Variants in TBCD observed in about 807,000 individuals in gnomAD.
TBCD encodes tubulin-specific chaperone D.
A neutral mutation model predicts 169.3 loss-of-function variants in TBCD; 105 were observed. The ratio of observed to expected loss-of-function variants is 0.62; its 90% CI spans 0.53 to 0.73. The LOEUF is 0.73. TBCD is among the 30% of genes least tolerant of loss of function. The probability of loss-of-function intolerance (pLI) is 0.00; values close to 1 mark genes in which losing one functional copy is unlikely to be tolerated. For missense variants in TBCD, 1,444 were observed against 1,600.1 expected, an observed-to-expected ratio of 0.90 and a Z score of 1.66; for synonymous variants, 700 against 643.9, an observed-to-expected ratio of 1.09 and a Z score of -1.32.
intron 20 of TBCD, among the ~76,000 whole-genome samples, chr17:82,907,063 G>A (rs971169345): frequency 1.3e-5 from 2 of 152,254 alleles, no homozygotes; most frequent in Non-Finnish European, 2.9e-5. Context: ...AGGCTAGACT[G>A]GGGTCTGGCC....
At chr17:82,803,564 T>G (rs1446589712) in intron 9 of TBCD, among the ~76,000 whole-genome samples, 1 of 152,240 alleles carries the variant, frequency 6.6e-6, no homozygotes, top group African/African-American at 2.4e-5. Flanking sequence ...TTGAGATTGC[T>G]GCTTCCTGGG....
intron 9 of TBCD, among the ~76,000 whole-genome samples, chr17:82,805,024 T>C (rs1461397669): frequency 6.6e-6 from 1 of 152,240 alleles, no homozygotes; most frequent in Non-Finnish European, 1.5e-5. Context: ...CCCTGAACTC[T>C]CACTGGACAC....
chr17:82,907,183 A>C (rs757363349), intron 20 of TBCD, among the ~76,000 whole-genome samples: 27 of 152,250 alleles, frequency 1.8e-4, no homozygotes, highest in Non-Finnish European at 3.4e-4. Context: ...AGGGGGCCTC[A>C]TGAGGCAGGG....
chr17:82,883,253 G>C (rs1425262561), intron 14 of TBCD, among the ~76,000 whole-genome samples: 1 of 152,270 alleles, frequency 6.6e-6, no homozygotes, highest in Non-Finnish European at 1.5e-5. Context: ...GGCGGCCTTG[G>C]AGGCCGCTTA....
At position 82,926,506 on chromosome 17, in the gene TBCD, T is replaced by G; in HGVS notation, c.2471+15T>G. Reference sequence around the variant, plus strand: ...GCCATTGCGAGGTGAGTCCCAACAGTTCCTCCCTAAAGTCGTAAGTCTCTG... The same window carrying G: ...GCCATTGCGAGGTGAGTCCCAACAGGTCCTCCCTAAAGTCGTAAGTCTCTG... On this transcript the variant is annotated intron_variant, in intron 28 of 38. Transcript: ENST00000355528. 1 of 1,611,412 alleles carries G rather than the reference T, an allele frequency of 6.2e-7. No homozygotes were observed. The highest frequency in any genetic ancestry group is 8.5e-7 in the Non-Finnish European group (1 of 1,177,876).
At chr17:82,808,812 AG>A (rs939725134) in intron 11 of TBCD, among the ~76,000 whole-genome samples, 6 of 136,434 alleles carry the variant, frequency 4.4e-5, no homozygotes, top group Non-Finnish European at 7.9e-5. Context: ...CTGAGGTGTC[AG>A]GGAGGTCCCT....
chr17:82,830,539 T>A, intron 13 of TBCD: 1 of 1,614,094 alleles, frequency 6.2e-7, no homozygotes, highest in Non-Finnish European at 8.5e-7. Context: ...GCTGGGCCCA[T>A]CCTCAGAACC....
At chr17:82,850,862 ATCC>A (rs1473208528) in intron 13 of TBCD, among the ~76,000 whole-genome samples, 1 of 152,256 alleles carries the variant, frequency 6.6e-6, no homozygotes, top group African/African-American at 2.4e-5. Context: ...CAGACCCGGT[ATCC>A]TCCTGAGAGC....
intron 13 of TBCD, among the ~76,000 whole-genome samples, chr17:82,817,112 G>A (rs2144982100): frequency 6.6e-6 from 1 of 152,146 alleles, no homozygotes; most frequent in Non-Finnish European, 1.5e-5. Context: ...ATGTTTTATT[G>A]CGTTCCATGG....
chr17:82,896,622 C>T (rs1047013858), intron 17 of TBCD, among the ~76,000 whole-genome samples: 12 of 152,112 alleles, frequency 7.9e-5, no homozygotes, highest in Non-Finnish European at 1.3e-4. Context: ...CACGCCACCA[C>T]GCCCGGCTAA....
intron 12 of TBCD, among the ~76,000 whole-genome samples, chr17:82,810,627 G>T (rs528918439): frequency 3.3e-4 from 51 of 152,356 alleles, no homozygotes; most frequent in Middle Eastern, 3.4e-3. Flanking sequence ...GCTCACACGT[G>T]TGAGGCATCG....
chr17:82,843,366 C>T (rs901616822), intron 13 of TBCD, among the ~76,000 whole-genome samples: 4 of 137,244 alleles, frequency 2.9e-5, no homozygotes, highest in Non-Finnish European at 4.7e-5. Context: ...TTCCCCTCGC[C>T]GTCCAGCTTA....
chr17:82,883,814 C>T (rs1046336564), intron 14 of TBCD, among the ~76,000 whole-genome samples: 1 of 152,230 alleles, frequency 6.6e-6, no homozygotes, highest in Non-Finnish European at 1.5e-5. Context: ...TCCCCACCTC[C>T]TGCGCCGCCC....
chr17:82,791,031 A>G (rs2049684280), intron 7 of TBCD, among the ~76,000 whole-genome samples: 1 of 150,792 alleles, frequency 6.6e-6, no homozygotes, highest in Non-Finnish European at 1.5e-5. Context: ...AGCTGCATAC[A>G]ATTCTATTTT....
intron 6 of TBCD, among the ~76,000 whole-genome samples, chr17:82,774,857 A>G (rs1380426076): frequency 2.0e-5 from 3 of 152,256 alleles, no homozygotes; most frequent in African/African-American, 4.8e-5. Context: ...TCTGAATGCA[A>G]TTACTGGAGA....
Position 82,833,229 on chromosome 17 carries a change from T to G in TBCD, c.1318+18295T>G, listed in dbSNP as rs930630376. Among the ~76,000 whole-genome samples the G allele has an allele frequency of 6.6e-6, 1 of 152,088 alleles. No homozygotes were observed. The highest frequency in any genetic ancestry group is 6.5e-5 in the Admixed American group (1 of 15,270). ...GGGCTGGCCACCGTCTACTTGCTCC[T>G]ACCTGCTGGCTGGGAGCTCTCCCAA... On this transcript the variant is annotated intron_variant, in intron 13 of 38. Transcript: ENST00000355528. The surrounding 1 kb of genome is among the most constrained non-coding windows in gnomAD (Gnocchi z 4.7).
intron 12 of TBCD, among the ~76,000 whole-genome samples, chr17:82,812,880 C>T (rs2051558730): frequency 6.6e-6 from 1 of 152,170 alleles, no homozygotes; most frequent in Non-Finnish European, 1.5e-5. Flanking sequence ...GTTGCTCAGG[C>T]ACCATGATAG....
At chr17:82,875,889 C>A (rs1035045177) in intron 14 of TBCD, among the ~76,000 whole-genome samples, 2 of 152,158 alleles carry the variant, frequency 1.3e-5, no homozygotes, top group African/African-American at 4.8e-5. Context: ...TCGTGTTTTA[C>A]CACTGTGTTG....
At chr17:82,836,722 C>T (rs2054015503) in intron 13 of TBCD, among the ~76,000 whole-genome samples, 1 of 150,346 alleles carries the variant, frequency 6.7e-6, no homozygotes, top group African/African-American at 2.5e-5. Flanking sequence ...AACCAAAAAA[C>T]AAAAAAACAA....
Sources: gnomAD v4.1 joint callset for allele counts (sites outside exome capture counted in the v4.1 genomes callset) on GRCh38, gnomAD v4.1.1 for gene constraint, Gnocchi (gnomAD v3.1) non-coding constraint, MANE v1.5 for transcripts, NCBI Gene and HGNC (gene_info 2026-07-23, HGNC 2026-07-21) for gene names.